The following RPS6KA2 variants were observed in gnomAD, a reference collection of about 807,000 sequenced individuals.
The protein encoded by RPS6KA2 is ribosomal protein S6 kinase A2.
RPS6KA2 carries 42 observed loss-of-function variants against 91.8 expected under a neutral mutation model. The observed-to-expected ratio is 0.46, with a 90% CI of 0.36 to 0.59. The LOEUF is 0.59. RPS6KA2 is among the 20% of genes least tolerant of loss of function. RPS6KA2 has a pLI of 0.00. For missense variants in RPS6KA2, 798 were observed against 978.5 expected, an observed-to-expected ratio of 0.82 and a Z score of 2.46; for synonymous variants, 414 against 393.6, an observed-to-expected ratio of 1.05 and a Z score of -0.61.
At chr6:166,750,402 CCACA>C (rs143542052) in intron 2 of RPS6KA2, among the ~76,000 whole-genome samples, 1 of 152,148 alleles carries the variant, frequency 6.6e-6, no homozygotes, top group Admixed American at 6.5e-5. Flanking sequence ...CACACTCCTC[CCACA>C]CAGTCTCCCT....
intron 1 of RPS6KA2, among the ~76,000 whole-genome samples, chr6:166,568,299 T>C (rs1365362621): frequency 6.6e-6 from 1 of 152,176 alleles, no homozygotes; most frequent in African/African-American, 2.4e-5. Context: ...GAGGACTGCA[T>C]TAAAAGAAAA....
chr6:166,502,908 T>TA (rs1182127730), intron 6 of RPS6KA2, among the ~76,000 whole-genome samples: 1 of 152,234 alleles, frequency 6.6e-6, no homozygotes, highest in African/African-American at 2.4e-5. Context: ...GAGCATCCCT[T>TA]ATCTGAAATG....
intron 8 of RPS6KA2, among the ~76,000 whole-genome samples, chr6:166,491,590 A>C (rs3817784): frequency 6.6e-6 from 1 of 152,116 alleles, no homozygotes; most frequent in Admixed American, 6.5e-5. Context: ...CTTTCACGTC[A>C]GTTTAAATTA....
At chr6:166,507,979 C>T (rs1782309844) in intron 5 of RPS6KA2, among the ~76,000 whole-genome samples, 1 of 149,226 alleles carries the variant, frequency 6.7e-6, no homozygotes, top group African/African-American at 2.5e-5. Flanking sequence ...CACATGCAGT[C>T]TCGCAACCCC....
chr6:166,625,151 A>G (rs1213435197), intron 1 of RPS6KA2, among the ~76,000 whole-genome samples: 4 of 152,152 alleles, frequency 2.6e-5, no homozygotes. Context: ...CATCTTAGTG[A>G]GACCTCCAGC....
At chr6:166,414,894 G>A (rs1319234028) in intron 19 of RPS6KA2, among the ~76,000 whole-genome samples, 6 of 152,072 alleles carry the variant, frequency 3.9e-5, no homozygotes, top group African/African-American at 1.2e-4. Flanking sequence ...GTGAAACCCC[G>A]TCTCTTCTAA....
At chr6:166,414,923 G>C (rs2128436220) in intron 19 of RPS6KA2, among the ~76,000 whole-genome samples, 1 of 152,288 alleles carries the variant, frequency 6.6e-6, no homozygotes, top group South Asian at 2.1e-4. Flanking sequence ...AAATGAGCTG[G>C]GTGTGGTGGC....
At chr6:166,443,304 G>A (rs1271122362) in intron 14 of RPS6KA2, among the ~76,000 whole-genome samples, 2 of 152,164 alleles carry the variant, frequency 1.3e-5, no homozygotes, top group South Asian at 2.1e-4. Flanking sequence ...CCTGGGGTAC[G>A]TATCATGCAA....
chr6:166,514,583 G>A (rs537691947), intron 3 of RPS6KA2, among the ~76,000 whole-genome samples: 1 of 152,312 alleles, frequency 6.6e-6, no homozygotes, highest in South Asian at 2.1e-4. Context: ...TGAGGCCTGC[G>A]GGCAGGGACA....
intron 2 of RPS6KA2, among the ~76,000 whole-genome samples, chr6:166,661,955 A>C (rs2223406): frequency 0.13 from 20,163 of 152,248 alleles, 1,393 homozygotes; most frequent in Middle Eastern, 0.17. Flanking sequence ...TTTATAACAC[A>C]GTACATATTG....
intron 8 of RPS6KA2, among the ~76,000 whole-genome samples, chr6:166,492,720 C>CTTTTT (rs10533292): frequency 9.9e-5 from 14 of 141,166 alleles, no homozygotes; most frequent in African/African-American, 3.5e-4. Context: ...TTTTTCTTTT[C>CTTTTT]TTTTTTTTTT....
intron 10 of RPS6KA2, among the ~76,000 whole-genome samples, chr6:166,470,403 C>G (rs539807252): frequency 6.6e-6 from 1 of 152,208 alleles, no homozygotes; most frequent in African/African-American, 2.4e-5. Context: ...CAGAGCCCAG[C>G]CTCCTGCCCA....
chr6:166,818,796 G>T (rs1305823041), intron 2 of RPS6KA2, among the ~76,000 whole-genome samples: 1 of 151,984 alleles, frequency 6.6e-6, no homozygotes, highest in Non-Finnish European at 1.5e-5. Flanking sequence ...GGTCATAGGA[G>T]CCTCTTTGAA....
At chr6:166,623,334 C>T (rs1786713359) in intron 1 of RPS6KA2, among the ~76,000 whole-genome samples, 1 of 152,212 alleles carries the variant, frequency 6.6e-6, no homozygotes. Flanking sequence ...GTTCCACATC[C>T]CATCTTCTGA....
At chr6:166,631,247 T>G (rs1413462243), upstream of RPS6KA2, among the ~76,000 whole-genome samples, 1 of 152,278 alleles carries the variant, frequency 6.6e-6, no homozygotes, top group Admixed American at 6.5e-5. Context: ...GAATTTACAT[T>G]TGAAACCAGA....
chr6:166,524,971 C>A (rs1003884995), intron 3 of RPS6KA2, among the ~76,000 whole-genome samples: 1 of 152,176 alleles, frequency 6.6e-6, no homozygotes, highest in Non-Finnish European at 1.5e-5. Context: ...GCGCTCAGAC[C>A]AACCAACTTA....
At chr6:166,758,237 T>C (rs1778072468) in intron 2 of RPS6KA2, among the ~76,000 whole-genome samples, 1 of 152,116 alleles carries the variant, frequency 6.6e-6, no homozygotes, top group Non-Finnish European at 1.5e-5. Flanking sequence ...ACACCAAGGG[T>C]GCGAGGATGT....
chr6:166,831,227 T>C (rs575672328), intron 2 of RPS6KA2, among the ~76,000 whole-genome samples: 17 of 152,052 alleles, frequency 1.1e-4, no homozygotes, highest in Non-Finnish European at 2.2e-4. Context: ...CGCACCTCAC[T>C]AAACTTGCTC....
intron 10 of RPS6KA2, among the ~76,000 whole-genome samples, chr6:166,474,614 T>TG (rs11291505): frequency 1.3e-5 from 2 of 151,924 alleles, no homozygotes; most frequent in African/African-American, 2.4e-5. Flanking sequence ...ACTCCTGTCC[T>TG]GGGGGGGAAG....
Sources: gnomAD v4.1 joint callset for allele counts (sites outside exome capture counted in the v4.1 genomes callset) on GRCh38, gnomAD v4.1.1 for gene constraint, MANE v1.5 for transcripts, NCBI Gene and HGNC (gene_info 2026-07-23, HGNC 2026-07-21) for gene names.